PPEF1: variants seen among roughly 807,000 people sequenced by gnomAD.
PPEF1 encodes the protein protein phosphatase with EF-hand domain 1.
PPEF1 carries 12 observed loss-of-function variants against 53.3 expected under a neutral mutation model. The observed-to-expected ratio is 0.23, with a 90% CI of 0.14 to 0.36. PPEF1 has a LOEUF of 0.36. PPEF1 is among the 10% of genes least tolerant of loss of function. The pLI is 1.00. For missense variants in PPEF1, 334 were observed against 490.4 expected, an observed-to-expected ratio of 0.68 and a Z score of 3.01; for synonymous variants, 165 against 176.7, an observed-to-expected ratio of 0.93 and a Z score of 0.52.
At chrX:18,712,738 GCTGTGTCTTTTTCA>G (rs1245381134) in intron 1 of PPEF1, among the ~76,000 whole-genome samples, 1 of 111,909 alleles carries the variant, frequency 8.9e-6, no homozygotes, top group African/African-American at 3.2e-5. Flanking sequence ...TCTTATATCA[GCTGTGTCTTTTTCA>G]TAGATGCTCT....
At position 18,740,958 on chromosome X, in the gene PPEF1, TG is replaced by T. The variant is rs749456033; in HGVS notation, c.235+7152del. On this transcript the variant is annotated intron_variant, in intron 3 of 15. Transcript: ENST00000470157. Reference sequence around the variant, plus strand: ...TTTTTTGCTCTCATTAAAATGTGTATGGCATCTAGGAGCATCTTTTAAATAA... The same window carrying T: ...TTTTTTGCTCTCATTAAAATGTGTATGCATCTAGGAGCATCTTTTAAATAA... 3.5e-4 allele frequency among the ~76,000 whole-genome samples: 36 copies of T among 102,621 alleles called. No individual in the cohort carries two copies. In the Admixed American group the frequency reaches 3.9e-3, roughly 11 times the overall value. 89.1% of individuals were successfully genotyped at this position (102,621 alleles called of 115,157 possible).
intron 5 of PPEF1, among the ~76,000 whole-genome samples, chrX:18,760,970 G>A (rs752609384): frequency 9.1e-6 from 1 of 109,578 alleles, no homozygotes; most frequent in East Asian, 2.9e-4. Flanking sequence ...TAGTAGAGAC[G>A]GGGTTTCGCC....
At chrX:18,818,846 G>A (rs2046973069) in intron 13 of PPEF1, among the ~76,000 whole-genome samples, 1 of 111,937 alleles carries the variant, frequency 8.9e-6, no homozygotes, top group Admixed American at 9.6e-5. Context: ...TGAGAGCATG[G>A]AGCAACAAGA....
At chrX:18,812,475 G>A (rs776603437) in intron 12 of PPEF1, among the ~76,000 whole-genome samples, 2 of 111,842 alleles carry the variant, frequency 1.8e-5, no homozygotes, top group East Asian at 5.6e-4. Flanking sequence ...TGGGTCCCTT[G>A]CATTTTCATG....
At chrX:18,675,956 C>CGGG (rs768712900) in exon 1 of PPEF1, 20 of 29,528 alleles carry the variant, frequency 6.8e-4, no homozygotes, top group East Asian at 2.1e-3. Context: ...ATCATTTGGG[C>CGGG]GGGGGGGGGG....
intron 10 of PPEF1, among the ~76,000 whole-genome samples, chrX:18,795,175 T>C (rs890986060): frequency 1.8e-5 from 2 of 110,886 alleles, no homozygotes. Flanking sequence ...CTGGGCGTGG[T>C]GGTGCATGCC....
At chrX:18,756,695 A>G (rs1328002959) in intron 4 of PPEF1, among the ~76,000 whole-genome samples, 1 of 112,514 alleles carries the variant, frequency 8.9e-6, no homozygotes, top group African/African-American at 3.2e-5. Context: ...AAGGACTAGT[A>G]TGACCAAAAT....
intron 15 of PPEF1, among the ~76,000 whole-genome samples, chrX:18,826,309 G>C (rs1395391766): frequency 9.3e-6 from 1 of 107,277 alleles, no homozygotes; most frequent in Non-Finnish European, 1.9e-5. Flanking sequence ...CAAATGAAAA[G>C]ATGATTTACT....
At chrX:18,737,509 TC>T (rs1407286212) in intron 3 of PPEF1, among the ~76,000 whole-genome samples, 1 of 111,943 alleles carries the variant, frequency 8.9e-6, no homozygotes, top group Non-Finnish European at 1.9e-5. Context: ...TAATTTCTGT[TC>T]TTTTACACTT....
chrX:18,714,429 G>A lies in PPEF1; in HGVS notation c.46+6603G>A, dbSNP rs186655022. ...TGGGATTACAGGCGCCCACCACTAT[G>A]CCCAGCTAATTTTTTGTATTTTTAG... On this transcript the variant is annotated intron_variant, in intron 1 of 15. Transcript: ENST00000470157. 8.4e-3 allele frequency among the ~76,000 whole-genome samples: 924 copies of A among 110,499 alleles called. 9 individuals carry two copies. Among genetic ancestry groups the A allele is most frequent in the African/African-American group, 0.029 (877 of 30,360 alleles).
rs527870416 is a variant in PPEF1 at position 18,724,866 on chromosome X, G to C, written c.47-5315G>C. ...TATTTTGGAGGTTTCTTCTCCAGGG[G>C]AGGGTCCTCAGCTGGCTAGTGCTGT... On this transcript the variant is annotated intron_variant, in intron 1 of 15. Coordinates refer to ENST00000470157, the MANE Select transcript of PPEF1 (RefSeq NM_001377996.1). Among the ~76,000 whole-genome samples, 4 of 111,055 alleles carry C rather than the reference G, an allele frequency of 3.6e-5. No individual in the cohort carries two copies. The Admixed American group carries it at 3.9e-4, about 11-fold the overall frequency.
chrX:18,765,838 C>T (rs775743880), intron 6 of PPEF1, among the ~76,000 whole-genome samples: 57 of 110,059 alleles, frequency 5.2e-4, no homozygotes, highest in Non-Finnish European at 9.1e-4. Flanking sequence ...CTGAGGTGGA[C>T]GGATCACTTG....
chrX:18,788,930 T>C (rs780287711), intron 9 of PPEF1, among the ~76,000 whole-genome samples, 191 bp from the exon 10 acceptor site: 10 of 112,656 alleles, frequency 8.9e-5, no homozygotes, highest in African/African-American at 2.9e-4. Flanking sequence ...GTACCAACAA[T>C]GTAACAGACC....
Position 18,774,917 on chromosome X carries a change from G to A in PPEF1, c.559-4093G>A, listed in dbSNP as rs747084255. Among the ~76,000 whole-genome samples the A allele has an allele frequency of 4.5e-5, 5 of 111,490 alleles. No individual in the cohort carries two copies. The South Asian group carries it at 1.9e-3, about 41-fold the overall frequency. ...TTGTCCCCATCAATTGTGTGTAGAA[G>A]TCGTGTTTCAAGCTTCAAATTGAAG... is the stretch of plus-strand genomic sequence containing the variant. On this transcript the variant is annotated intron_variant, in intron 6 of 15. Coordinates refer to ENST00000470157, the MANE Select transcript of PPEF1 (RefSeq NM_001377996.1).
intron 6 of PPEF1, among the ~76,000 whole-genome samples, chrX:18,771,972 A>C (rs2045878885): frequency 9.0e-6 from 1 of 110,577 alleles, no homozygotes; most frequent in African/African-American, 3.3e-5. Flanking sequence ...AAAATTAGCC[A>C]GGCCTGGTGG....
At chrX:18,771,682 A>G (rs1160291229) in intron 6 of PPEF1, among the ~76,000 whole-genome samples, 1 of 111,778 alleles carries the variant, frequency 8.9e-6, no homozygotes, top group East Asian at 2.8e-4. Flanking sequence ...TTGAAAATCC[A>G]CATATAATTT....
At chrX:18,784,097 A>C (rs774218986) in intron 9 of PPEF1, 49 bp downstream of exon 9, 19 of 1,009,232 alleles carry the variant, frequency 1.9e-5, no homozygotes, top group Non-Finnish European at 2.5e-5. Context: ...TTAGAAGGGA[A>C]TACATACCTC....
At chrX:18,741,139 T>C (rs949189656) in intron 3 of PPEF1, among the ~76,000 whole-genome samples, 1 of 111,372 alleles carries the variant, frequency 9.0e-6, no homozygotes, top group African/African-American at 3.3e-5. Context: ...GAATGGGGAG[T>C]GGGTGGAAGT....
chrX:18,733,706 T>G, intron 2 of PPEF1, 42 bp from the exon 3 acceptor site: 2 of 1,060,907 alleles, frequency 1.9e-6, no homozygotes, highest in Non-Finnish European at 2.6e-6. Context: ...CAGTAGCTGT[T>G]TGGGGTTCAC....
Sources: allele counts gnomAD v4.1 joint callset (sites outside exome capture counted in the v4.1 genomes callset), GRCh38; gene constraint gnomAD v4.1.1; transcripts MANE v1.5; gene names NCBI Gene and HGNC (gene_info 2026-07-23, HGNC 2026-07-21).